Variants in NEBL observed in about 807,000 individuals in gnomAD.
The protein encoded by NEBL is nebulette.
Under a neutral mutation model 140.2 loss-of-function variants are expected in NEBL, and 122 were observed. The observed-to-expected ratio is 0.87, with a 90% confidence interval of 0.75 to 1.01. The LOEUF (loss-of-function observed/expected upper bound fraction) is 1.01, where lower values mean the gene tolerates loss of function less well. NEBL is among the 50% of genes least tolerant of loss of function. The probability of loss-of-function intolerance (pLI) is 0.00; values close to 1 mark genes in which losing one functional copy is unlikely to be tolerated. For synonymous variants in NEBL, 436 were observed against 398.9 expected, an observed-to-expected ratio of 1.09 and a Z score of -1.11; for missense variants, 1,365 against 1,231.3, an observed-to-expected ratio of 1.11 and a Z score of -1.62.
chr10:21,265,703 C>G, intron 1 of NEBL, among the ~76,000 whole-genome samples: 1 of 152,222 alleles, frequency 6.6e-6, no homozygotes, highest in East Asian at 1.9e-4. Flanking sequence ...AAACAGGCAA[C>G]AGTACGCTTT....
At chr10:20,837,255 T>C (rs1287896867) in intron 13 of NEBL, among the ~76,000 whole-genome samples, 2 of 152,146 alleles carry the variant, frequency 1.3e-5, no homozygotes, top group Non-Finnish European at 2.9e-5. Context: ...AAATTAACAG[T>C]GCTACCCCAG....
chr10:21,074,729 C>T (rs539997880), intron 2 of NEBL, among the ~76,000 whole-genome samples: 50 of 152,120 alleles, frequency 3.3e-4, no homozygotes, highest in African/African-American at 1.2e-3. Flanking sequence ...CCGCCTGCCT[C>T]GGCCTCCCAA....
At chr10:21,129,221 AT>A (rs1191087509) in intron 2 of NEBL, among the ~76,000 whole-genome samples, 3 of 152,070 alleles carry the variant, frequency 2.0e-5, no homozygotes, top group Non-Finnish European at 4.4e-5. Context: ...AAGAAAGTAC[AT>A]TTTTTTAAAA....
chr10:21,259,791 C>T lies in NEBL; in HGVS notation n.183-7963G>A, dbSNP rs577245994. On this transcript the variant is annotated intron_variant and non_coding_transcript_variant, in intron 1 of 8. Coordinates refer to the NEBL transcript ENST00000675702. ...ATCCAGGCCTAAACCAGTCAGCCCC[C>T]TGCCTTTCCTTGGCCACAATATTGC... is the stretch of plus-strand genomic sequence containing the variant. 9.9e-5 allele frequency among the ~76,000 whole-genome samples: 15 copies of T among 151,958 alleles called. No individual in the cohort carries two copies. In the South Asian group the frequency reaches 3.1e-3, roughly 31 times the overall value.
intron 4 of NEBL, among the ~76,000 whole-genome samples, chr10:20,907,118 T>C (rs1848124760): frequency 6.6e-6 from 1 of 152,110 alleles, no homozygotes; most frequent in Admixed American, 6.6e-5. Context: ...TGGCTATTTT[T>C]CAATTTGATC....
chr10:20,807,359 G>A (rs1405174503), intron 26 of NEBL, among the ~76,000 whole-genome samples: 1 of 152,030 alleles, frequency 6.6e-6, no homozygotes, highest in Non-Finnish European at 1.5e-5. Flanking sequence ...CCCTTCATTA[G>A]CAATTCAGAC....
intron 7 of NEBL, among the ~76,000 whole-genome samples, chr10:20,866,396 G>A (rs561805542): frequency 3.4e-4 from 51 of 152,048 alleles, no homozygotes; most frequent in Admixed American, 1.3e-3. Context: ...ATCTTATCAC[G>A]ATAAAAAAAT....
chr10:20,884,157 G>T (rs1344106021), intron 4 of NEBL, among the ~76,000 whole-genome samples: 2 of 152,188 alleles, frequency 1.3e-5, no homozygotes, highest in Admixed American at 6.5e-5. Context: ...CTATATTTTT[G>T]ATCTTACAGC....
At chr10:21,053,533 A>G (rs1433400351) in intron 2 of NEBL, among the ~76,000 whole-genome samples, 2 of 152,244 alleles carry the variant, frequency 1.3e-5, no homozygotes, top group African/African-American at 4.8e-5. Context: ...GGAAAAAGAT[A>G]ATAAAGCTGT....
chr10:20,922,825 C>A (rs1833658582), intron 4 of NEBL, among the ~76,000 whole-genome samples: 1 of 151,950 alleles, frequency 6.6e-6, no homozygotes. Context: ...GAAACCAAGT[C>A]AATTAAAGGG....
At chr10:20,896,878 C>A (rs1588971400) in intron 2 of NEBL, 80 bp downstream of exon 2, 2 of 1,195,282 alleles carry the variant, frequency 1.7e-6, no homozygotes, top group East Asian at 4.7e-5. Flanking sequence ...CAGGGTTTCC[C>A]CCACAGCTCT....
chr10:20,798,638 G>A (rs995643406), intron 26 of NEBL, among the ~76,000 whole-genome samples: 1 of 152,026 alleles, frequency 6.6e-6, no homozygotes, highest in Non-Finnish European at 1.5e-5. Flanking sequence ...AGCTCTTCCC[G>A]AAAAGCTTTC....
intron 2 of NEBL, among the ~76,000 whole-genome samples, chr10:21,063,303 T>C (rs1270546451): frequency 1.3e-5 from 2 of 152,200 alleles, no homozygotes; most frequent in African/African-American, 4.8e-5. Context: ...GATCATTCCA[T>C]GATCACCATC....
chr10:21,210,150 G>C (rs978486146), intron 3 of NEBL, among the ~76,000 whole-genome samples: 3 of 152,170 alleles, frequency 2.0e-5, no homozygotes, highest in African/African-American at 7.2e-5. Context: ...CCAGCACTTT[G>C]GGAGGCCAAG....
rs372596780 is a variant in NEBL at position 21,206,107 on chromosome 10, C to A, written n.349-33630G>T. Among the ~76,000 whole-genome samples, 7 of 152,118 alleles carry A rather than the reference C, an allele frequency of 4.6e-5. No individual in the cohort carries two copies. The East Asian group carries it at 7.7e-4, about 17-fold the overall frequency. On this transcript the variant is annotated intron_variant and non_coding_transcript_variant, in intron 3 of 8. Transcript: ENST00000675702. ...TCATCAGGATGTTCTGGAATAAAACCAATTACAAGAGACCAAAAAGTCCTG... is the reference window on the plus strand; with the variant it reads ...TCATCAGGATGTTCTGGAATAAAACAAATTACAAGAGACCAAAAAGTCCTG...
At chr10:21,080,186 C>T (rs1462975796) in intron 2 of NEBL, among the ~76,000 whole-genome samples, 1 of 152,130 alleles carries the variant, frequency 6.6e-6, no homozygotes, top group Non-Finnish European at 1.5e-5. Flanking sequence ...GTAATGAAAG[C>T]GATTTCTTAA....
chr10:21,093,150 C>CTTTTTTTTTTTTTTTT lies in NEBL; in HGVS notation c.165-72950_165-72949insAAAAAAAAAAAAAAAA, dbSNP rs4025884. ...TACTTTTATTCATTTAGCAACAAGT[C>CTTTTTTTTTTTTTTTT]TTTTTTTTTTTTTTTCCATTTTAGC... On this transcript the variant is annotated intron_variant, in intron 2 of 6. Coordinates refer to the NEBL transcript ENST00000417816. 2.4e-3 allele frequency among the ~76,000 whole-genome samples: 225 copies of CTTTTTTTTTTTTTTTT among 94,998 alleles called. 28 individuals carry two copies. The highest frequency in any genetic ancestry group is 8.9e-3 in the African/African-American group (207 of 23,280). 62.3% of individuals were successfully genotyped at this position (94,998 alleles called of 152,430 possible).
At chr10:21,221,038 C>T (rs1051622847) in intron 3 of NEBL, among the ~76,000 whole-genome samples, 1 of 152,084 alleles carries the variant, frequency 6.6e-6, no homozygotes, top group Admixed American at 6.5e-5. Context: ...CACCTGGAGT[C>T]CCAGTAGTCA....
intron 1 of NEBL, among the ~76,000 whole-genome samples, chr10:21,253,687 G>T (rs1246887652): frequency 1.3e-5 from 2 of 151,898 alleles, no homozygotes; most frequent in Non-Finnish European, 2.9e-5. Context: ...GGGATTACAG[G>T]TGCCTGCTAC....
Sources: allele counts gnomAD v4.1 joint callset (sites outside exome capture counted in the v4.1 genomes callset), GRCh38; gene constraint gnomAD v4.1.1; transcripts MANE v1.5; gene names NCBI Gene and HGNC (gene_info 2026-07-23, HGNC 2026-07-21).